Variants in ABHD13 observed in about 807,000 individuals in gnomAD.
ABHD13 encodes the protein protein ABHD13.
Under a neutral mutation model 25.2 loss-of-function variants are expected in ABHD13, and 7 were observed. The observed-to-expected ratio is 0.28, with a 90% confidence interval of 0.16 to 0.52. The LOEUF (loss-of-function observed/expected upper bound fraction) is 0.52. Ranked by LOEUF, ABHD13 falls within the 20% of genes least tolerant of loss-of-function variation. The pLI, the probability that ABHD13 is intolerant of heterozygous loss-of-function variation, is 0.96. For missense variants in ABHD13, 302 were observed against 402.7 expected (o/e 0.75, Z 2.14); for synonymous variants, 133 against 136.1 (o/e 0.98, Z 0.16).
rs988829486 is a variant in ABHD13 at position 108,228,871 on chromosome 13, TA to T, written c.-20-316del. On this transcript the variant is annotated intron_variant, in intron 1 of 1. Transcript: ENST00000375898. ...TGCCCCTGAGCTTCTGTTTTCTCAT[TA>T]AAAAAAAAAAATGACACTATCGCAT... 2.4e-3 allele frequency among the ~76,000 whole-genome samples: 346 copies of T among 144,404 alleles called. 1 individual carries two copies. Among genetic ancestry groups the T allele is most frequent in the African/African-American group, 6.0e-3 (237 of 39,578 alleles). 94.7% of individuals were successfully genotyped at this position (144,404 alleles called of 152,430 possible). A position where few individuals can be genotyped will look rare whatever the true frequency, so the allele number is the denominator to read the frequency against.
chr13:108,223,596 G>A (rs1879610750), intron 1 of ABHD13, among the ~76,000 whole-genome samples: 2 of 152,184 alleles, frequency 1.3e-5, no homozygotes, highest in African/African-American at 4.8e-5. Flanking sequence ...ACTCCAACAC[G>A]TGAGGCCACT....
Position 108,231,572 on chromosome 13 carries a change from G to A in ABHD13, c.*1340G>A, listed in dbSNP as rs1374726425. ...CAGGATTTACTTAATAAAAATACAC[G>A]CTATGAGTCATAATTGTGCCAAGTT... On this transcript the variant is annotated 3_prime_UTR_variant, in exon 2 of 2. Transcript: ENST00000375898. 1 of 166,670 alleles carries A rather than the reference G, an allele frequency of 6.0e-6. No individual in the cohort carries two copies. Among genetic ancestry groups the A allele is most frequent in the Non-Finnish European group, 1.5e-5 (1 of 67,924 alleles). The allele number at this position is 166,670 out of a possible 1,614,324, so 10.3% of individuals were successfully genotyped here.
Position 108,233,549 on chromosome 13 carries a change from G to T in ABHD13, c.*3317G>T, listed in dbSNP as rs1045960197. On this transcript the variant is annotated 3_prime_UTR_variant, in exon 2 of 2. Transcript: ENST00000375898. Reference sequence around the variant, plus strand: ...TTATATGTATTTTTAAAAACTGTGAGAGGAAAAATTAGTCATAACCCTTTT... The same window carrying T: ...TTATATGTATTTTTAAAAACTGTGATAGGAAAAATTAGTCATAACCCTTTT... 3.0e-5 allele frequency: 5 copies of T among 166,620 alleles called. No individual in the cohort carries two copies. The highest frequency in any genetic ancestry group is 1.2e-4 in the African/African-American group (5 of 41,390). The allele number at this position is 166,620 out of a possible 1,614,324, so 10.3% of individuals were successfully genotyped here.
chr13:108,228,866 C>T (rs1236831621), intron 1 of ABHD13, among the ~76,000 whole-genome samples: 5 of 150,298 alleles, frequency 3.3e-5, no homozygotes, highest in African/African-American at 1.2e-4. Context: ...CTTCTGTTTT[C>T]TCATTAAAAA....
Position 108,229,524 on chromosome 13 carries a change from T to G in ABHD13, c.306T>G (p.Ile102Met), listed in dbSNP as rs1455575834. The change falls in exon 2 of 2, where the codon ATT becomes ATG. Residue 102 changes from isoleucine to methionine, a missense_variant. Physicochemically the swap from Ile to Met is conservative, Grantham distance 10. Coordinates refer to ENST00000375898, the MANE Select transcript of ABHD13 (RefSeq NM_032859.3). This position sits in a 1 kb window ranked among gnomAD's most constrained non-coding sequence, Gnocchi z 4.7. ...AAGATGGAATACGTCTGAATCTTAT[T>G]TTGATACGATACACTGGAGACAATT... ...RTKDGIRLNL[I>M]LIRYTGDNSP... 6.2e-7 allele frequency: 1 copy of G among 1,613,432 alleles called. No individual in the cohort carries two copies. The highest frequency in any genetic ancestry group is 8.5e-7 in the Non-Finnish European group (1 of 1,179,636).
intron 1 of ABHD13, among the ~76,000 whole-genome samples, chr13:108,221,073 A>G (rs1429196373): frequency 6.6e-6 from 1 of 152,236 alleles, no homozygotes; most frequent in Non-Finnish European, 1.5e-5. Context: ...AGCATGAAAA[A>G]GCTACTAAGT....
At chr13:108,225,422 C>G (rs1462210879) in intron 1 of ABHD13, among the ~76,000 whole-genome samples, 1 of 152,072 alleles carries the variant, frequency 6.6e-6, no homozygotes, top group African/African-American at 2.4e-5. Flanking sequence ...TTGGAAAATG[C>G]CTGCTTTTCG....
At chr13:108,219,677 A>G (rs1182379787) in intron 1 of ABHD13, among the ~76,000 whole-genome samples, 1 of 152,228 alleles carries the variant, frequency 6.6e-6, no homozygotes, top group Non-Finnish European at 1.5e-5. Context: ...GAAAATGTAG[A>G]GTTGAATAGG....
intron 1 of ABHD13, among the ~76,000 whole-genome samples, chr13:108,220,295 T>G (rs1230733768): frequency 6.6e-6 from 1 of 152,236 alleles, no homozygotes; most frequent in African/African-American, 2.4e-5. Flanking sequence ...CTTGGGCACA[T>G]CAAAGACCTC....
intron 1 of ABHD13, among the ~76,000 whole-genome samples, chr13:108,220,300 G>C (rs1594486983): frequency 6.6e-6 from 1 of 152,176 alleles, no homozygotes; most frequent in African/African-American, 2.4e-5. Flanking sequence ...GCACATCAAA[G>C]ACCTCTTGGC....
rs117250665 is a variant in ABHD13, at chr13:108,232,260, T to C, written c.*2028T>C. On this transcript the variant is annotated 3_prime_UTR_variant, in exon 2 of 2. Transcript: ENST00000375898. Reference sequence around the variant, plus strand: ...CTTTTTCTTTTTGATACTCCAGGTTTATAAACTATCTTTTAAAATTTTAAG... The same window carrying C: ...CTTTTTCTTTTTGATACTCCAGGTTCATAAACTATCTTTTAAAATTTTAAG... 1,190 of 166,998 alleles carry C rather than the reference T, an allele frequency of 7.1e-3. 4 individuals are homozygous for C. The highest frequency in any genetic ancestry group is 0.011 in the Non-Finnish European group (739 of 67,986). The allele number at this position is 166,998 out of a possible 1,614,324, so 10.3% of individuals were successfully genotyped here. A position where few individuals can be genotyped will look rare whatever the true frequency, so the allele number is the denominator to read the frequency against.
intron 1 of ABHD13, among the ~76,000 whole-genome samples, chr13:108,227,370 C>G (rs908834252): frequency 6.6e-6 from 1 of 151,662 alleles, no homozygotes; most frequent in African/African-American, 2.4e-5. Context: ...ATTAGAGATG[C>G]AATAGTGAAA....
rs1476073650 is a variant in ABHD13 at position 108,230,979 on chromosome 13, T to C, written c.*747T>C. 6.0e-6 allele frequency: 1 copy of C among 166,786 alleles called. No individual in the cohort carries two copies. Among genetic ancestry groups the C allele is most frequent in the African/African-American group, 2.4e-5 (1 of 41,422 alleles). 10.3% of individuals were successfully genotyped at this position (166,786 alleles called of 1,614,324 possible). On this transcript the variant is annotated 3_prime_UTR_variant, in exon 2 of 2. Coordinates refer to ENST00000375898, the MANE Select transcript of ABHD13 (RefSeq NM_032859.3). Reference sequence around the variant, plus strand: ...CATGTAGAAATAGAAATTTAGAATTTTACTGCAGCTTTGATGTGCATATTT... The same window carrying C: ...CATGTAGAAATAGAAATTTAGAATTCTACTGCAGCTTTGATGTGCATATTT...
chr13:108,221,150 T>G (rs1406060414), intron 1 of ABHD13, among the ~76,000 whole-genome samples: 1 of 152,252 alleles, frequency 6.6e-6, no homozygotes, highest in Non-Finnish European at 1.5e-5. Flanking sequence ...AGATGCTGTC[T>G]GAACCATCCA....
At position 108,231,984 on chromosome 13, in the gene ABHD13, C is replaced by T. The variant is rs1487177754; in HGVS notation, c.*1752C>T. 3 of 166,734 alleles carry T rather than the reference C, an allele frequency of 1.8e-5. No homozygotes were observed. The highest frequency in any genetic ancestry group is 6.6e-5 in the Admixed American group (1 of 15,222). 10.3% of individuals were successfully genotyped at this position (166,734 alleles called of 1,614,324 possible). On this transcript the variant is annotated 3_prime_UTR_variant, in exon 2 of 2. Coordinates refer to ENST00000375898, the MANE Select transcript of ABHD13 (RefSeq NM_032859.3). ...CACCACAATTAAAGATTATTCTTGT[C>T]AGTCCTTGCTATGTAGAATGACTAT...
intron 1 of ABHD13, among the ~76,000 whole-genome samples, chr13:108,222,104 C>T (rs886447252): frequency 2.6e-5 from 4 of 151,936 alleles, no homozygotes; most frequent in South Asian, 2.1e-4. Flanking sequence ...CTTCCTAAAG[C>T]GCTAGGATTA....
At chr13:108,228,841 AC>A (rs1250936650) in intron 1 of ABHD13, among the ~76,000 whole-genome samples, 3 of 151,920 alleles carry the variant, frequency 2.0e-5, no homozygotes, top group South Asian at 4.2e-4. Context: ...TAGCCAGTCT[AC>A]TTATGCCCCT....
Position 108,229,982 on chromosome 13 carries a change from A to G in ABHD13, c.764A>G (p.Gln255Arg). The G allele has an allele frequency of 1.9e-6, 3 of 1,613,244 alleles. No homozygotes were observed. The highest frequency in any genetic ancestry group is 2.5e-6 in the Non-Finnish European group (3 of 1,179,420). Residue 255 changes from glutamine to arginine, a missense_variant, in exon 2 of 2, where the codon CAG (glutamine) becomes CGG (arginine). Coordinates refer to ENST00000375898, the MANE Select transcript of ABHD13 (RefSeq NM_032859.3). This position sits in a 1 kb window ranked among gnomAD's most constrained non-coding sequence, Gnocchi z 4.7. ...NKFLSYRKIS[Q>R]CRMPSLFISG... ...TTTTTGTCCTACAGAAAAATCTCTC[A>G]GTGTAGAATGCCTTCACTTTTCATC...
Position 108,232,271 on chromosome 13 carries a change from T to C in ABHD13, c.*2039T>C, listed in dbSNP as rs1566383183. On this transcript the variant is annotated 3_prime_UTR_variant, in exon 2 of 2. Transcript: ENST00000375898. ...TGATACTCCAGGTTTATAAACTATC[T>C]TTTAAAATTTTAAGCCAGGACTTCA... The C allele has an allele frequency of 6.0e-6, 1 of 166,886 alleles. No homozygotes were observed. The highest frequency in any genetic ancestry group is 2.1e-4 in the South Asian group (1 of 4,826). The allele number at this position is 166,886 out of a possible 1,614,324, so 10.3% of individuals were successfully genotyped here. A position where few individuals can be genotyped will look rare whatever the true frequency, so the allele number is the denominator to read the frequency against.
Sources: gnomAD v4.1 joint callset for allele counts (sites outside exome capture counted in the v4.1 genomes callset) on GRCh38, gnomAD v4.1.1 for gene constraint, Gnocchi (gnomAD v3.1) non-coding constraint, MANE v1.5 for transcripts, NCBI Gene and HGNC (gene_info 2026-07-23, HGNC 2026-07-21) for gene names.